SH2B2: variants seen among roughly 807,000 people sequenced by gnomAD.
SH2B2 encodes the protein SH2B adapter protein 2.
Under a neutral mutation model 35.7 loss-of-function variants are expected in SH2B2, and 37 were observed. The ratio of observed to expected loss-of-function variants is 1.04; its 90% confidence interval spans 0.80 to 1.36. SH2B2 has a LOEUF of 1.36. Among genes scored for constraint, SH2B2 ranks in the 40% most tolerant of loss-of-function variants. The pLI is 0.00. For synonymous variants in SH2B2, 383 were observed against 376.4 expected, an observed-to-expected ratio of 1.02 and a Z score of -0.20; for missense variants, 852 against 817.7, an observed-to-expected ratio of 1.04 and a Z score of -0.51.
rs1554557310 is a variant in SH2B2 at position 102,317,434 on chromosome 7, GCCCTGAGGGAGAGGGGTCATGGTGAC to G, written c.1395+43_1395+68del. 2.7e-6 allele frequency: 4 copies of G among 1,501,120 alleles called. No individual in the cohort carries two copies. The African/African-American group carries it at 5.5e-5, about 21-fold the overall frequency. The allele number at this position is 1,501,120 out of a possible 1,614,324, so 93.0% of individuals were successfully genotyped here. On this transcript the variant is annotated intron_variant, in intron 7 of 8. Coordinates refer to ENST00000444095, the MANE Select transcript of SH2B2 (RefSeq NM_001359228.2). ...GGGCGCCATGGGGGTGCAGTGGCCA[GCCCTGAGGGAGAGGGGTCATGGTGAC>G]CCCGGTCCTGAGGCTGTGCCCTGGA...
chr7:102,301,577 T>TGTGCGCGCGCGCGTGTGTGTGTGTCC, intron 2 of SH2B2, among the ~76,000 whole-genome samples: 1 of 149,266 alleles, frequency 6.7e-6, no homozygotes, highest in Admixed American at 6.6e-5. Flanking sequence ...TGTGTGTGTG[T>TGTGCGCGCGCGCGTGTGTGTGTGTCC]GTGTGCGCGC....
At chr7:102,304,889 G>A (rs993582640) in intron 2 of SH2B2, among the ~76,000 whole-genome samples, 3 of 152,248 alleles carry the variant, frequency 2.0e-5, no homozygotes, top group African/African-American at 7.2e-5. Context: ...CCATCTGCCT[G>A]CCCATCAAAT....
At chr7:102,296,359 A>T (rs1792913284) in intron 1 of SH2B2, among the ~76,000 whole-genome samples, 1 of 152,098 alleles carries the variant, frequency 6.6e-6, no homozygotes, top group Non-Finnish European at 1.5e-5. Flanking sequence ...AACTGTGGGG[A>T]CCCTGGGAGG....
intron 1 of SH2B2, among the ~76,000 whole-genome samples, chr7:102,295,093 C>T (rs1220259267): frequency 2.0e-5 from 3 of 152,192 alleles, no homozygotes; most frequent in Non-Finnish European, 4.4e-5. Context: ...GGCCCTGTCC[C>T]CCATCTCTGT....
At chr7:102,319,666 T>A (rs532240650) in intron 7 of SH2B2, among the ~76,000 whole-genome samples, 5 of 151,952 alleles carry the variant, frequency 3.3e-5, no homozygotes, top group African/African-American at 1.2e-4. Flanking sequence ...TAGCCACTTG[T>A]TTCTGCAGTG....
intron 1 of SH2B2, among the ~76,000 whole-genome samples, chr7:102,292,564 G>A (rs1221196143): frequency 6.6e-6 from 1 of 151,354 alleles, no homozygotes; most frequent in Non-Finnish European, 1.5e-5. Flanking sequence ...TGGCCATGGC[G>A]TCTTGTGCCT....
rs1793156052 is a variant in SH2B2, at chr7:102,301,030, C to T, written c.480C>T (p.Pro160=). ...GGCACCGGCGCGCCTCGCCCGAGCC[C>T]GACGCGGCAGCTGCCCCGCGCACCG... The part of the protein sequence containing the change: ...DMWHRRASPE[P]DAAAAPRTAE... Residue 160 remains proline, a synonymous_variant, in exon 2 of 9, where the codon CCC becomes CCT. Transcript: ENST00000444095. The T allele has an allele frequency of 1.4e-6, 2 of 1,381,480 alleles. No individual in the cohort carries two copies. Among genetic ancestry groups the T allele is most frequent in the South Asian group, 1.5e-5 (1 of 64,762 alleles). The allele number at this position is 1,381,480 out of a possible 1,614,324, so 85.6% of individuals were successfully genotyped here. A position where few individuals can be genotyped will look rare whatever the true frequency, so the allele number is the denominator to read the frequency against.
At chr7:102,307,143 A>G (rs1382173095) in intron 3 of SH2B2, among the ~76,000 whole-genome samples, 1 of 151,934 alleles carries the variant, frequency 6.6e-6, no homozygotes, top group Non-Finnish European at 1.5e-5. Flanking sequence ...GCACACACCC[A>G]CCTCGCTGGT....
In SH2B2 at chr7:102,314,254, C is replaced by A. The variant is rs945080856; in HGVS notation, c.924-82C>A. ...AGATGCTGGGCCATGGGACTGCCAG[C>A]CACTGCCTGGCCACATAAGTAGCCT... On this transcript the variant is annotated intron_variant, in intron 4 of 8. Transcript: ENST00000444095. The A allele has an allele frequency of 1.5e-5, 6 of 398,282 alleles. No homozygotes were observed. In the East Asian group the frequency reaches 1.8e-4, roughly 12 times the overall value. The allele number at this position is 398,282 out of a possible 1,614,324, so 24.7% of individuals were successfully genotyped here.
At position 102,300,708 on chromosome 7, in the gene SH2B2, ACAC is replaced by A; in HGVS notation, c.159_161del (p.Asp53_Thr54delinsGlu). 6.5e-7 allele frequency: 1 copy of A among 1,538,830 alleles called. No homozygotes were observed. Among genetic ancestry groups the A allele is most frequent in the Non-Finnish European group, 8.8e-7 (1 of 1,139,372 alleles). On this transcript the variant is annotated inframe_deletion, in exon 2 of 9. Coordinates refer to ENST00000444095, the MANE Select transcript of SH2B2 (RefSeq NM_001359228.2). ...TTCCTGCGGGACAACCCAGCTTACG[ACAC>A]GCCCGACGCCGGCGCCTCCTTCTCC...
intron 4 of SH2B2, among the ~76,000 whole-genome samples, chr7:102,311,189 G>A (rs1336850066): frequency 1.3e-5 from 2 of 151,934 alleles, no homozygotes; most frequent in Non-Finnish European, 2.9e-5. Context: ...TCCTGGGCTC[G>A]ACTGATCTGC....
chr7:102,317,469 T>C, intron 7 of SH2B2, 74 bp downstream of exon 7: 1 of 1,340,614 alleles, frequency 7.5e-7, no homozygotes. Context: ...ACCCCGGTCC[T>C]GAGGCTGTGC....
intron 1 of SH2B2, chr7:102,293,260 G>T (rs1792756798): frequency 8.0e-6 from 1 of 124,798 alleles, no homozygotes; most frequent in African/African-American, 3.1e-5. Context: ...CCGCCGGAAA[G>T]CCGCCGCCCC....
At chr7:102,289,322 T>A (rs369437127) in intron 1 of SH2B2, among the ~76,000 whole-genome samples, 1 of 150,810 alleles carries the variant, frequency 6.6e-6, no homozygotes. Flanking sequence ...AGCCATGTGG[T>A]GTGGTGGAGG....
chr7:102,297,195 G>A lies in SH2B2; in HGVS notation c.-29-3327G>A, dbSNP rs1792951634. ...TGCCTGGGATGTGAATTATCCCTTT[G>A]TCTGGCATATCCGCACTCTGGATAC... On this transcript the variant is annotated intron_variant, in intron 1 of 8. Coordinates refer to ENST00000444095, the MANE Select transcript of SH2B2 (RefSeq NM_001359228.2). This position sits in a 1 kb window ranked among gnomAD's most constrained non-coding sequence, Gnocchi z 4.3. Among the ~76,000 whole-genome samples the A allele has an allele frequency of 6.6e-6, 1 of 152,058 alleles. No homozygotes were observed. The highest frequency in any genetic ancestry group is 1.5e-5 in the Non-Finnish European group (1 of 68,020).
chr7:102,293,653 G>C (rs1203294677), intron 1 of SH2B2, among the ~76,000 whole-genome samples: 3 of 151,980 alleles, frequency 2.0e-5, no homozygotes, highest in Admixed American at 2.0e-4. Flanking sequence ...AGTCCTCAGA[G>C]AAGCAGCCTG....
intron 1 of SH2B2, among the ~76,000 whole-genome samples, chr7:102,287,878 C>T (rs1478140521): frequency 1.3e-5 from 2 of 152,190 alleles, no homozygotes; most frequent in African/African-American, 4.8e-5. Context: ...TCAGGAGCCA[C>T]GCAAGGCAGA....
At chr7:102,306,843 TC>T in intron 3 of SH2B2, 21 bp downstream of exon 3, 1 of 1,537,780 alleles carries the variant, frequency 6.5e-7, no homozygotes, top group Non-Finnish European at 8.8e-7. Context: ...ACCCCTAACC[TC>T]AGAGATCCTC....
chr7:102,298,111 G>T (rs1171717723), intron 1 of SH2B2, among the ~76,000 whole-genome samples: 2 of 152,162 alleles, frequency 1.3e-5, no homozygotes, highest in African/African-American at 4.8e-5. Context: ...GTGGCAGGAG[G>T]TATATCCAGA....
Sources: gnomAD v4.1 joint callset for allele counts (sites outside exome capture counted in the v4.1 genomes callset) on GRCh38, gnomAD v4.1.1 for gene constraint, Gnocchi (gnomAD v3.1) non-coding constraint, MANE v1.5 for transcripts, NCBI Gene and HGNC (gene_info 2026-07-23, HGNC 2026-07-21) for gene names.